MAMDC2: variants seen among roughly 807,000 people sequenced by gnomAD.
MAMDC2 encodes the protein MAM domain containing 2.
MAMDC2 carries 57 observed loss-of-function variants against 89.8 expected under a neutral mutation model. The ratio of observed to expected loss-of-function variants is 0.63; its 90% CI spans 0.51 to 0.79. The LOEUF is 0.79. Among genes scored for constraint, MAMDC2 ranks in the 30% least tolerant of loss-of-function variants. The probability of loss-of-function intolerance (pLI) is 0.00; values close to 1 mark genes in which losing one functional copy is unlikely to be tolerated. For synonymous variants in MAMDC2, 313 were observed against 293.4 expected (o/e 1.07, Z -0.68); for missense variants, 800 against 820.6 (o/e 0.97, Z 0.31).
chr9:70,069,759 G>A (rs1463732919), intron 2 of MAMDC2, among the ~76,000 whole-genome samples: 2 of 152,286 alleles, frequency 1.3e-5, no homozygotes, highest in South Asian at 2.1e-4. Flanking sequence ...TTGCTTTCTG[G>A]AATTTCTTGC....
chr9:70,086,974 G>T (rs950530036), intron 2 of MAMDC2: 9 of 152,248 alleles, frequency 5.9e-5, no homozygotes, highest in Admixed American at 2.6e-4. Flanking sequence ...CTGCTACAGA[G>T]TTCTGTCTGA....
intron 11 of MAMDC2, among the ~76,000 whole-genome samples, chr9:70,185,933 C>T (rs1476057387): frequency 1.3e-5 from 2 of 152,068 alleles, no homozygotes; most frequent in Non-Finnish European, 2.9e-5. Context: ...GTTGGAAATG[C>T]AAAAATCACT....
chr9:70,148,750 C>G (rs1178627228), intron 9 of MAMDC2, among the ~76,000 whole-genome samples: 1 of 149,888 alleles, frequency 6.7e-6, no homozygotes, highest in African/African-American at 2.5e-5. Flanking sequence ...ATTTTAAAGG[C>G]CAGGCGCGGT....
intron 5 of MAMDC2, among the ~76,000 whole-genome samples, chr9:70,121,477 CTGTGTA>C (rs2030283787): frequency 6.6e-6 from 1 of 152,070 alleles, no homozygotes; most frequent in South Asian, 2.1e-4. Flanking sequence ...GATTTTCACT[CTGTGTA>C]TGGCAAAGCA....
chr9:70,177,774 G>C (rs1485196721), intron 11 of MAMDC2, among the ~76,000 whole-genome samples: 3 of 152,128 alleles, frequency 2.0e-5, no homozygotes, highest in Non-Finnish European at 4.4e-5. Flanking sequence ...TGCCTCACTA[G>C]GGTTTCCAAA....
chr9:70,075,808 G>A (rs192348820), intron 2 of MAMDC2, among the ~76,000 whole-genome samples: 1 of 152,324 alleles, frequency 6.6e-6, no homozygotes, highest in East Asian at 1.9e-4. Flanking sequence ...CAAGTGTCTA[G>A]CAAAGGAGAC....
At chr9:70,050,347 G>T (rs964339226) in intron 2 of MAMDC2, among the ~76,000 whole-genome samples, 1 of 152,146 alleles carries the variant, frequency 6.6e-6, no homozygotes, top group Non-Finnish European at 1.5e-5. Flanking sequence ...ACGTGCTCCT[G>T]GTTCATTCTG....
At chr9:70,142,853 T>G (rs759170372) in intron 8 of MAMDC2, among the ~76,000 whole-genome samples, 1 of 152,194 alleles carries the variant, frequency 6.6e-6, no homozygotes, top group East Asian at 1.9e-4. Flanking sequence ...GTGTTATTAT[T>G]TTTTTCTTTT....
chr9:70,044,810 G>A, intron 2 of MAMDC2, 113 bp downstream of exon 2: 1 of 836,020 alleles, frequency 1.2e-6, no homozygotes, highest in South Asian at 1.6e-5. Context: ...GGCAAGAAAA[G>A]TGTGAGTCAT....
chr9:70,137,347 G>A (rs957374742), intron 7 of MAMDC2, among the ~76,000 whole-genome samples: 8 of 152,222 alleles, frequency 5.3e-5, no homozygotes, highest in African/African-American at 1.9e-4. Context: ...ATATTTTAGT[G>A]TGTATTTTAT....
chr9:70,221,402 G>GAGAGAGAGAGAGAAAGAGAGAA (rs1564005263), intron 12 of MAMDC2, among the ~76,000 whole-genome samples: 5 of 104,578 alleles, frequency 4.8e-5, no homozygotes, highest in African/African-American at 1.5e-4. Context: ...GAGAGAGAGA[G>GAGAGAGAGAGAGAAAGAGAGAA]AGAGAGTAAC....
intron 11 of MAMDC2, among the ~76,000 whole-genome samples, chr9:70,208,102 G>A (rs776898661): frequency 2.4e-4 from 36 of 152,214 alleles, no homozygotes; most frequent in South Asian, 1.0e-3. Context: ...TTAGGATTGC[G>A]TTGGCACTGA....
chr9:70,130,443 T>C (rs2030754010), intron 6 of MAMDC2, among the ~76,000 whole-genome samples: 2 of 152,216 alleles, frequency 1.3e-5, no homozygotes, highest in South Asian at 4.1e-4. Flanking sequence ...TCTTCTCAGG[T>C]TATTAACTCA....
intron 2 of MAMDC2, chr9:70,086,834 C>T (rs1051248524): frequency 7.9e-5 from 12 of 152,216 alleles, no homozygotes; most frequent in Middle Eastern, 3.4e-3. Flanking sequence ...AAATGATCAG[C>T]TAATCCATTT....
intron 11 of MAMDC2, among the ~76,000 whole-genome samples, chr9:70,203,154 T>G (rs1275671352): frequency 6.6e-6 from 1 of 151,294 alleles, no homozygotes; most frequent in African/African-American, 2.4e-5. Flanking sequence ...CTAGTCTTGA[T>G]GGTCTTTACA....
At chr9:70,149,085 C>T (rs1402369621) in intron 9 of MAMDC2, among the ~76,000 whole-genome samples, 1 of 144,576 alleles carries the variant, frequency 6.9e-6, no homozygotes, top group African/African-American at 2.6e-5. Context: ...GTGGTGCAAG[C>T]CTATAGTCCC....
chr9:70,062,630 A>C (rs1304410418), intron 2 of MAMDC2: 1 of 152,194 alleles, frequency 6.6e-6, no homozygotes, highest in Non-Finnish European at 1.5e-5. Context: ...TGCAAGTTAG[A>C]GACAAGAAAA....
chr9:70,092,859 CT>C (rs922096645), intron 2 of MAMDC2: 2 of 152,160 alleles, frequency 1.3e-5, no homozygotes, highest in African/African-American at 4.8e-5. Context: ...TATTTCTAAT[CT>C]TACGCTCCCA....
chr9:70,208,148 G>GT (rs1282120783), intron 11 of MAMDC2, among the ~76,000 whole-genome samples: 1 of 152,196 alleles, frequency 6.6e-6, no homozygotes, highest in African/African-American at 2.4e-5. Flanking sequence ...CTTTAAAGTA[G>GT]TTTTTTCCAA....
Sources: allele counts gnomAD v4.1 joint callset (sites outside exome capture counted in the v4.1 genomes callset), GRCh38; gene constraint gnomAD v4.1.1; transcripts MANE v1.5; gene names NCBI Gene and HGNC (gene_info 2026-07-23, HGNC 2026-07-21).